The following LRRC52 variants were observed in gnomAD, a reference collection of about 807,000 sequenced individuals.
LRRC52 encodes leucine-rich repeat-containing protein 52.
Under a neutral mutation model 14.7 loss-of-function variants are expected in LRRC52, and 15 were observed. That is an observed-to-expected ratio of 1.02 (90% CI 0.68 to 1.58). The LOEUF (loss-of-function observed/expected upper bound fraction) is 1.58, where lower values mean the gene tolerates loss of function less well. LRRC52 is among the 40% of genes most tolerant of loss of function. The pLI, the probability that LRRC52 is intolerant of heterozygous loss-of-function variation, is 0.00. For synonymous variants in LRRC52, 180 were observed against 163.9 expected (o/e 1.10, Z -0.75); for missense variants, 400 against 387.7 (o/e 1.03, Z -0.27).
chr1:165,558,990 T>C (rs1661291703), intron 1 of LRRC52, among the ~76,000 whole-genome samples: 1 of 152,202 alleles, frequency 6.6e-6, no homozygotes, highest in African/African-American at 2.4e-5. Flanking sequence ...GCAAGAAGCA[T>C]TACTAGAGAT....
chr1:165,550,868 T>C (rs753994923), intron 1 of LRRC52, among the ~76,000 whole-genome samples: 7 of 152,176 alleles, frequency 4.6e-5, no homozygotes, highest in Non-Finnish European at 1.0e-4. Flanking sequence ...CTGTGTGATA[T>C]GGGGAAACTC....
chr1:165,562,793 G>A (rs138311471), intron 1 of LRRC52, among the ~76,000 whole-genome samples: 136 of 152,170 alleles, frequency 8.9e-4, no homozygotes, highest in African/African-American at 2.9e-3. Context: ...GACTCATGTC[G>A]ATGACATAAT....
intron 1 of LRRC52, among the ~76,000 whole-genome samples, chr1:165,549,077 G>C (rs1357566961): frequency 6.6e-6 from 1 of 152,198 alleles, no homozygotes; most frequent in Non-Finnish European, 1.5e-5. Flanking sequence ...TGGAGGGACA[G>C]GACAAGTCTA....
chr1:165,563,787 A>C lies in LRRC52; in HGVS notation c.905A>C (p.Gln302Pro), dbSNP rs1306946426. The change falls in exon 2 of 2, where the codon CAG becomes CCG. Residue 302 changes from glutamine to proline, a missense_variant. Physicochemically the swap from Gln to Pro is moderately conservative, Grantham distance 76. Coordinates refer to ENST00000294818, the MANE Select transcript of LRRC52 (RefSeq NM_001005214.4). The part of the protein sequence containing the change: ...VEVSRRIFQT[Q>P]TSSVQEFPQL... Reference sequence around the variant, plus strand: ...GTCAGCCGGCGGATTTTTCAAACCCAGACGAGCTCGGTCCAGGAGTTCCCT... The same window carrying C: ...GTCAGCCGGCGGATTTTTCAAACCCCGACGAGCTCGGTCCAGGAGTTCCCT... 6.2e-7 allele frequency: 1 copy of C among 1,614,216 alleles called. No homozygotes were observed. Among genetic ancestry groups the C allele is most frequent in the East Asian group, 2.2e-5 (1 of 44,874 alleles).
chr1:165,563,686 G>C lies in LRRC52; in HGVS notation c.804G>C (p.Val268=). 2 of 1,614,180 alleles carry C rather than the reference G, an allele frequency of 1.2e-6. No individual in the cohort carries two copies. Among genetic ancestry groups the C allele is most frequent in the Non-Finnish European group, 1.7e-6 (2 of 1,180,020 alleles). ...AGTVAAWLTG[V]CAVLYQNTRH... is the part of the protein sequence containing the mutation. Reference sequence around the variant, plus strand: ...CTGTGGCTGCCTGGCTCACAGGTGTGTGTGCTGTGCTCTACCAGAACACCC... The same window carrying C: ...CTGTGGCTGCCTGGCTCACAGGTGTCTGTGCTGTGCTCTACCAGAACACCC... Residue 268 remains valine, a synonymous_variant, in exon 2 of 2, where the codon GTG becomes GTC. Coordinates refer to ENST00000294818, the MANE Select transcript of LRRC52 (RefSeq NM_001005214.4).
chr1:165,544,916 C>T lies in LRRC52; in HGVS notation c.620C>T (p.Ser207Leu). ...IFLIVFHMDPSDDLNATCVEP... is the reference protein window; with the variant it reads ...IFLIVFHMDPLDDLNATCVEP... ...TTAATAGTGTTCCATATGGACCCCT[C>T]AGGTGAGGGCTTGATTGGGTGTGGG... is the stretch of plus-strand genomic sequence containing the variant. The change falls in exon 1 of 2, where the codon TCA becomes TTA. Residue 207 changes from serine to leucine, a missense_variant and splice_region_variant. Ser to Leu is a moderately radical substitution (Grantham distance 145, BLOSUM62 -2). Transcript: ENST00000294818. 1 of 1,612,846 alleles carries T rather than the reference C, an allele frequency of 6.2e-7. No homozygotes were observed. The highest frequency in any genetic ancestry group is 1.7e-4 in the Middle Eastern group (1 of 6,058).
chr1:165,547,242 A>G (rs1174016561), intron 1 of LRRC52, among the ~76,000 whole-genome samples: 1 of 152,216 alleles, frequency 6.6e-6, no homozygotes, highest in Non-Finnish European at 1.5e-5. Flanking sequence ...CCACAAGACT[A>G]TACTATCTCG....
Position 165,544,549 on chromosome 1 carries a change from C to G in LRRC52, c.253C>G (p.Gln85Glu), listed in dbSNP as rs1660974156. ...CAGTGACCTTGTTTATTTGGACTGTCAGAACAACCGGATTCGAGAGGTGAT... is the reference window on the plus strand; with the variant it reads ...CAGTGACCTTGTTTATTTGGACTGTGAGAACAACCGGATTCGAGAGGTGAT... ...LLSDLVYLDC[Q>E]NNRIREVMDY... is the part of the protein sequence containing the mutation. The change falls in exon 1 of 2, where the codon CAG (glutamine) becomes GAG (glutamate). Residue 85 changes from glutamine (Q) to glutamate (E), a missense_variant. Coordinates refer to ENST00000294818, the MANE Select transcript of LRRC52 (RefSeq NM_001005214.4). 5.0e-6 allele frequency: 8 copies of G among 1,614,096 alleles called. No individual in the cohort carries two copies. In the African/African-American group the frequency reaches 6.7e-5, roughly 13 times the overall value.
rs748377306 is a variant in LRRC52 at position 165,544,419 on chromosome 1, G to A, written c.123G>A (p.Gly41=). ...AAGCCCAAGAAGTAATCTGCACAGG[G>A]AAGCAGTTAACCGAATACCCCCTTG... ...LCQAQEVICT[G]KQLTEYPLDI... The change falls in exon 1 of 2, where the codon GGG becomes GGA. Residue 41 remains glycine (G), a synonymous_variant. Transcript: ENST00000294818. The A allele has an allele frequency of 1.9e-6, 3 of 1,614,170 alleles. No individual in the cohort carries two copies. The Admixed American group carries it at 5.0e-5, about 27-fold the overall frequency.
rs186476682 is a variant in LRRC52 at position 165,560,589 on chromosome 1, A to G, written c.623-2916A>G. Among the ~76,000 whole-genome samples, 10 of 152,300 alleles carry G rather than the reference A, an allele frequency of 6.6e-5. No homozygotes were observed. In the East Asian group the frequency reaches 1.7e-3, roughly 26 times the overall value. Reference sequence around the variant, plus strand: ...TGCTAGGGATGAGTTCACGAGTGGGAACAATCACATGTCCTCTGAGCTCTG... The same window carrying G: ...TGCTAGGGATGAGTTCACGAGTGGGGACAATCACATGTCCTCTGAGCTCTG... On this transcript the variant is annotated intron_variant, in intron 1 of 1. Transcript: ENST00000294818.
intron 1 of LRRC52, among the ~76,000 whole-genome samples, chr1:165,552,747 G>A (rs930369387): frequency 1.3e-5 from 2 of 152,240 alleles, no homozygotes; most frequent in African/African-American, 2.4e-5. Context: ...CTGATAGACC[G>A]GAAGCTCTAT....
chr1:165,560,730 G>C (rs1006010985), intron 1 of LRRC52, among the ~76,000 whole-genome samples: 1 of 152,166 alleles, frequency 6.6e-6, no homozygotes, highest in Non-Finnish European at 1.5e-5. Context: ...GACAAAAAAG[G>C]AGCAGTGTAA....
chr1:165,545,057 C>G, intron 1 of LRRC52, 139 bp downstream of exon 1: 1 of 1,107,422 alleles, frequency 9.0e-7, no homozygotes, highest in South Asian at 1.5e-5. Context: ...CAGGGCCCAC[C>G]CTTGGGTTGA....
rs1045136743 is a variant in LRRC52, at chr1:165,563,908, T to C, written c.*84T>C. Reference sequence around the variant, plus strand: ...TCCCCATCCCACCACCTTGGAGCTGTCATAGAGATTGAAACCTTCTAGTAA... The same window carrying C: ...TCCCCATCCCACCACCTTGGAGCTGCCATAGAGATTGAAACCTTCTAGTAA... On this transcript the variant is annotated 3_prime_UTR_variant, in exon 2 of 2. Transcript: ENST00000294818. 15 of 1,389,880 alleles carry C rather than the reference T, an allele frequency of 1.1e-5. No individual in the cohort carries two copies. Among genetic ancestry groups the C allele is most frequent in the African/African-American group, 1.4e-5 (1 of 69,086 alleles). 86.1% of individuals were successfully genotyped at this position (1,389,880 alleles called of 1,614,324 possible).
Position 165,544,217 on chromosome 1 carries a change from C to A in LRRC52, c.-80C>A. On this transcript the variant is annotated 5_prime_UTR_variant, in exon 1 of 2. Transcript: ENST00000294818. ...TTCTTTCCAGAGCCCCTCCCCCGCCCCACCCCCCCACCGGCAGCCTTCGGA... is the reference window on the plus strand; with the variant it reads ...TTCTTTCCAGAGCCCCTCCCCCGCCACACCCCCCCACCGGCAGCCTTCGGA... 5.5e-6 allele frequency: 7 copies of A among 1,281,956 alleles called. 2 individuals carry two copies. Among genetic ancestry groups the A allele is most frequent in the Admixed American group, 4.6e-5 (2 of 43,128 alleles). 79.4% of individuals were successfully genotyped at this position (1,281,956 alleles called of 1,614,324 possible).
intron 1 of LRRC52, among the ~76,000 whole-genome samples, chr1:165,562,897 G>A (rs1409471673): frequency 1.3e-5 from 2 of 151,946 alleles, no homozygotes; most frequent in Non-Finnish European, 2.9e-5. Context: ...TGCTCCGGGG[G>A]GAAAGTGGTG....
At position 165,544,471 on chromosome 1, in the gene LRRC52, T is replaced by C. The variant is rs766842411; in HGVS notation, c.175T>C (p.Phe59Leu). 1.9e-6 allele frequency: 3 copies of C among 1,614,148 alleles called. No homozygotes were observed. Among genetic ancestry groups the C allele is most frequent in the Non-Finnish European group, 2.5e-6 (3 of 1,180,024 alleles). The part of the protein sequence containing the change: ...LDIPLNTRRL[F>L]LNENRITSLP... ...CATACCCCTGAACACCCGGAGGCTG[T>C]TCCTGAACGAGAACAGAATCACTAG... Residue 59 changes from phenylalanine (F) to leucine (L), a missense_variant, in exon 1 of 2, where the codon TTC (phenylalanine) becomes CTC (leucine). Phe to Leu is a conservative substitution (Grantham distance 22). Coordinates refer to ENST00000294818, the MANE Select transcript of LRRC52 (RefSeq NM_001005214.4).
Position 165,544,232 on chromosome 1 carries a change from C to A in LRRC52, c.-65C>A. On this transcript the variant is annotated 5_prime_UTR_variant, in exon 1 of 2. Transcript: ENST00000294818. ...CTCCCCCGCCCCACCCCCCCACCGG[C>A]AGCCTTCGGATCAGAGGACAGAGCC... The A allele has an allele frequency of 2.1e-6, 3 of 1,441,480 alleles. No homozygotes were observed. Among genetic ancestry groups the A allele is most frequent in the Admixed American group, 2.2e-5 (1 of 44,644 alleles). 89.3% of individuals were successfully genotyped at this position (1,441,480 alleles called of 1,614,324 possible). A position where few individuals can be genotyped will look rare whatever the true frequency, so the allele number is the denominator to read the frequency against.
intron 1 of LRRC52, among the ~76,000 whole-genome samples, chr1:165,562,476 G>T (rs566430325): frequency 1.3e-5 from 2 of 152,270 alleles, no homozygotes; most frequent in South Asian, 4.2e-4. Context: ...ATAGGGCTCC[G>T]AGGATTCCGT....
Sources: gnomAD v4.1 joint callset for allele counts (sites outside exome capture counted in the v4.1 genomes callset) on GRCh38, gnomAD v4.1.1 for gene constraint, MANE v1.5 for transcripts, NCBI Gene and HGNC (gene_info 2026-07-23, HGNC 2026-07-21) for gene names.